Variants in ERBB4 observed in about 807,000 individuals in gnomAD.
ERBB4 encodes erb-b2 receptor tyrosine kinase 4, also known as receptor tyrosine-protein kinase erbB-4.
In ERBB4, 42 loss-of-function variants were observed where a neutral mutation model predicts 158.0. The observed-to-expected ratio is 0.27, with a 90% CI of 0.21 to 0.34. The LOEUF (loss-of-function observed/expected upper bound fraction) is 0.34. ERBB4 is among the 10% of genes least tolerant of loss of function. The pLI is 1.00. For missense variants in ERBB4, 1,333 were observed against 1,624.1 expected, an observed-to-expected ratio of 0.82 and a Z score of 3.08; for synonymous variants, 583 against 558.7, an observed-to-expected ratio of 1.04 and a Z score of -0.61.
chr2:211,904,877 T>C (rs374631856), intron 3 of ERBB4, among the ~76,000 whole-genome samples: 1 of 151,776 alleles, frequency 6.6e-6, no homozygotes, highest in Admixed American at 6.6e-5. Flanking sequence ...GTAAGTTTTG[T>C]TGTTGTTGTT....
At chr2:211,809,981 T>G (rs2076711440) in intron 3 of ERBB4, among the ~76,000 whole-genome samples, 1 of 152,216 alleles carries the variant, frequency 6.6e-6, no homozygotes, top group Admixed American at 6.5e-5. Context: ...TTGTTCAGTT[T>G]CCATGTAGTT....
At chr2:212,151,863 A>T (rs2080884328) in intron 1 of ERBB4, among the ~76,000 whole-genome samples, 1 of 151,608 alleles carries the variant, frequency 6.6e-6, no homozygotes, top group South Asian at 2.1e-4. Context: ...CACTCCAGCT[A>T]AAAAATATTT....
chr2:211,523,751 T>C (rs1314174779), intron 20 of ERBB4, among the ~76,000 whole-genome samples: 3 of 151,982 alleles, frequency 2.0e-5, no homozygotes, highest in African/African-American at 4.8e-5. Flanking sequence ...GCAAGATTTA[T>C]TGCAAAGAGT....
At position 211,615,913 on chromosome 2, in the gene ERBB4, T is replaced by C. The variant is rs554836591; in HGVS notation, c.2301+3264A>G. On this transcript the variant is annotated intron_variant, in intron 19 of 27. Coordinates refer to ENST00000342788, the MANE Select transcript of ERBB4 (RefSeq NM_005235.3). The stretch of plus-strand genomic sequence containing the variant: ...CTAATGATTAATAAGATTGTGCAAT[T>C]TCCATTGTCTTTGAAAGCTTTTTTC... Among the ~76,000 whole-genome samples, 5 of 152,198 alleles carry C rather than the reference T, an allele frequency of 3.3e-5. No individual in the cohort carries two copies. In the South Asian group the frequency reaches 1.0e-3, roughly 32 times the overall value.
chr2:212,323,928 G>A lies in ERBB4; in HGVS notation c.83-199025C>T, dbSNP rs114904186. Among the ~76,000 whole-genome samples, 1,205 of 150,618 alleles carry A rather than the reference G, an allele frequency of 8.0e-3. 25 individuals carry two copies. The highest frequency in any genetic ancestry group is 0.027 in the African/African-American group (1,119 of 41,342). ...CATGGTAGAAGTCACTGGTTGCCCA[G>A]TCCGGAGCCATGCCCACCACACCTC... On this transcript the variant is annotated intron_variant, in intron 1 of 27. Transcript: ENST00000342788.
intron 1 of ERBB4, among the ~76,000 whole-genome samples, chr2:212,265,963 C>T (rs80061298): frequency 0.037 from 5,640 of 152,074 alleles, 319 homozygotes; most frequent in African/African-American, 0.13. Context: ...AGAGCCACCT[C>T]GCTAATCGGT....
At chr2:211,404,304 G>T (rs565346716) in intron 25 of ERBB4, among the ~76,000 whole-genome samples, 2 of 152,118 alleles carry the variant, frequency 1.3e-5, no homozygotes, top group African/African-American at 4.8e-5. Context: ...TACGCCTTTG[G>T]TGATCCTTAG....
At chr2:212,447,183 G>A (rs1418683621) in intron 1 of ERBB4, among the ~76,000 whole-genome samples, 1 of 151,870 alleles carries the variant, frequency 6.6e-6, no homozygotes, top group African/African-American at 2.4e-5. Flanking sequence ...TTTTTTAGTA[G>A]AGACGGGGTT....
At chr2:211,603,321 C>T (rs1408613415) in intron 19 of ERBB4, among the ~76,000 whole-genome samples, 1 of 152,050 alleles carries the variant, frequency 6.6e-6, no homozygotes, top group African/African-American at 2.4e-5. Flanking sequence ...CTGTAAGTAT[C>T]TGACATTGGG....
chr2:211,573,048 A>G (rs1010830430), intron 19 of ERBB4, among the ~76,000 whole-genome samples: 2 of 152,186 alleles, frequency 1.3e-5, no homozygotes, highest in Non-Finnish European at 2.9e-5. Context: ...CTGTGCAGAT[A>G]TAATTAAATT....
At chr2:211,426,950 A>G (rs937756904) in intron 22 of ERBB4, among the ~76,000 whole-genome samples, 5 of 152,024 alleles carry the variant, frequency 3.3e-5, no homozygotes, top group African/African-American at 9.7e-5. Flanking sequence ...ATGTTTTTCT[A>G]TACACTTCTT....
intron 3 of ERBB4, among the ~76,000 whole-genome samples, chr2:211,872,172 C>CT (rs1160459950): frequency 6.6e-6 from 1 of 152,128 alleles, no homozygotes; most frequent in East Asian, 1.9e-4. Flanking sequence ...TATAAAAAGG[C>CT]TAAAGCCTTT....
intron 1 of ERBB4, among the ~76,000 whole-genome samples, chr2:212,177,187 A>C (rs923782538): frequency 5.9e-5 from 9 of 151,786 alleles, no homozygotes; most frequent in African/African-American, 2.2e-4. Flanking sequence ...TTTTTTTGTA[A>C]GGTAAAAAAA....
At chr2:212,498,041 A>G (rs912462252) in intron 1 of ERBB4, among the ~76,000 whole-genome samples, 3 of 151,944 alleles carry the variant, frequency 2.0e-5, no homozygotes, top group African/African-American at 7.3e-5. Flanking sequence ...AATATATTTT[A>G]TTTAGCCAAT....
intron 2 of ERBB4, among the ~76,000 whole-genome samples, chr2:211,953,854 G>GA (rs900458708): frequency 6.6e-5 from 9 of 137,328 alleles, no homozygotes; most frequent in Admixed American, 2.9e-4. Context: ...ATAAGTCCAG[G>GA]AAAAAAATCA....
At chr2:211,458,057 G>A (rs1306020676) in intron 20 of ERBB4, among the ~76,000 whole-genome samples, 1 of 133,974 alleles carries the variant, frequency 7.5e-6, no homozygotes, top group African/African-American at 2.7e-5. Context: ...AGATATATTT[G>A]TGCTTTATAA....
intron 1 of ERBB4, among the ~76,000 whole-genome samples, chr2:212,191,610 GTTATATATAACACATGTGTTATGCA>G (rs2082211223): frequency 1.5e-5 from 2 of 133,264 alleles, no homozygotes; most frequent in African/African-American, 6.1e-5. Flanking sequence ...TGTTATGCCT[GTTATATATAACACATGTGTTATGCA>G]TGCTATATAT....
rs1469980752 is a variant in ERBB4, at chr2:211,410,179, T to C, written c.3135+10262A>G. ...TTGTAAGGAGAGCCTGGTGTCTGCA[T>C]GTCAATGAGAGTGTGGGACTTTATA... is the stretch of plus-strand genomic sequence containing the variant. On this transcript the variant is annotated intron_variant, in intron 25 of 27. Coordinates refer to ENST00000342788, the MANE Select transcript of ERBB4 (RefSeq NM_005235.3). Among the ~76,000 whole-genome samples the C allele has an allele frequency of 2.6e-5, 4 of 152,228 alleles. No individual in the cohort carries two copies. The East Asian group carries it at 7.7e-4, about 29-fold the overall frequency.
At chr2:211,601,815 TGGAGGGAG>T (rs748187362) in intron 19 of ERBB4, among the ~76,000 whole-genome samples, 5 of 150,422 alleles carry the variant, frequency 3.3e-5, no homozygotes. Context: ...GGAGGTGGGA[TGGAGGGAG>T]GGAGGGAGGC....
Sources: allele counts gnomAD v4.1 joint callset (sites outside exome capture counted in the v4.1 genomes callset), GRCh38; gene constraint gnomAD v4.1.1; transcripts MANE v1.5; gene names NCBI Gene and HGNC (gene_info 2026-07-23, HGNC 2026-07-21).